The following PBX3 variants were observed in gnomAD, a reference collection of about 807,000 sequenced individuals.
PBX3 encodes the protein pre-B-cell leukemia transcription factor 3.
In PBX3, 14 loss-of-function variants were observed where a neutral mutation model predicts 48.5. That is an observed-to-expected ratio of 0.29 (90% CI 0.19 to 0.45). PBX3 has a LOEUF of 0.45. Among genes scored for constraint, PBX3 ranks in the 20% least tolerant of loss-of-function variants. PBX3 has a pLI of 1.00. For synonymous variants in PBX3, 210 were observed against 200.3 expected (o/e 1.05, Z -0.41); for missense variants, 386 against 546.7 (o/e 0.71, Z 2.93).
intron 2 of PBX3, among the ~76,000 whole-genome samples, chr9:125,852,773 T>C (rs1280141757): frequency 6.6e-6 from 1 of 152,166 alleles, no homozygotes; most frequent in African/African-American, 2.4e-5. Flanking sequence ...ATATTACCTT[T>C]CCAGTTATTT....
chr9:125,921,308 T>C (rs1841451833), intron 3 of PBX3, among the ~76,000 whole-genome samples: 2 of 152,236 alleles, frequency 1.3e-5, no homozygotes, highest in Non-Finnish European at 2.9e-5. Context: ...TTTGTTTTAT[T>C]TAATACATTT....
chr9:125,817,047 A>G lies in PBX3; in HGVS notation c.274+68424A>G, dbSNP rs543317298. Among the ~76,000 whole-genome samples the G allele has an allele frequency of 2.0e-5, 3 of 152,300 alleles. No individual in the cohort carries two copies. In the East Asian group the frequency reaches 5.8e-4, roughly 29 times the overall value. ...AAAAGGTGAAACAATTTTTTTAATC[A>G]ACATTTTTTGCTTCTTAGTCTTTCC... is the stretch of plus-strand genomic sequence containing the variant. On this transcript the variant is annotated intron_variant, in intron 2 of 8. Coordinates refer to ENST00000373489, the MANE Select transcript of PBX3 (RefSeq NM_006195.6).
chr9:125,802,156 C>T (rs1837970254), intron 2 of PBX3, among the ~76,000 whole-genome samples: 1 of 151,950 alleles, frequency 6.6e-6, no homozygotes, highest in Non-Finnish European at 1.5e-5. Context: ...GGTACACGTG[C>T]AGGTTTGTGA....
intron 5 of PBX3, chr9:125,949,478 G>A: frequency 6.5e-7 from 1 of 1,550,244 alleles, no homozygotes; most frequent in Non-Finnish European, 8.7e-7. Flanking sequence ...ATGAGCCAGG[G>A]AGGGGCATGA....
intron 2 of PBX3, among the ~76,000 whole-genome samples, chr9:125,848,538 T>C (rs1839491651): frequency 6.6e-6 from 1 of 152,048 alleles, no homozygotes; most frequent in Non-Finnish European, 1.5e-5. Context: ...TATTGCATTA[T>C]TGCTATAAAG....
intron 4 of PBX3, among the ~76,000 whole-genome samples, chr9:125,930,783 A>G (rs914883225): frequency 1.3e-5 from 2 of 152,100 alleles, no homozygotes; most frequent in African/African-American, 4.8e-5. Flanking sequence ...CTCCAGTCCT[A>G]CTGCCCTCCA....
At position 125,929,696 on chromosome 9, in the gene PBX3, A is replaced by C; in HGVS notation, c.558A>C (p.Arg186=). The C allele has an allele frequency of 6.2e-7, 1 of 1,613,326 alleles. No homozygotes were observed. Among genetic ancestry groups the C allele is most frequent in the African/African-American group, 1.3e-5 (1 of 74,992 alleles). Residue 186 remains arginine (R), a synonymous_variant, in exon 4 of 9, where the codon CGA becomes CGC. Coordinates refer to ENST00000373489, the MANE Select transcript of PBX3 (RefSeq NM_006195.6). ...EFTTHVMNLL[R]EQSRTRPISP... ...CTACACATGTGATGAACCTTCTCCG[A>C]GAACAGAGTAGAACACGTCCCATTT...
At chr9:125,878,744 T>G (rs1020716640) in intron 2 of PBX3, among the ~76,000 whole-genome samples, 6 of 152,258 alleles carry the variant, frequency 3.9e-5, no homozygotes, top group Admixed American at 6.5e-5. Context: ...GGACATCTGT[T>G]AATTTGTAGG....
intron 2 of PBX3, among the ~76,000 whole-genome samples, chr9:125,907,095 A>C (rs1168420796): frequency 6.6e-6 from 1 of 152,060 alleles, no homozygotes; most frequent in Non-Finnish European, 1.5e-5. Context: ...AGCACACATC[A>C]AAATGGCATT....
chr9:125,754,218 T>C (rs1438562199), intron 2 of PBX3, among the ~76,000 whole-genome samples: 2 of 152,122 alleles, frequency 1.3e-5, no homozygotes, highest in African/African-American at 4.8e-5. Context: ...AATAATGTTT[T>C]GTTTTCTCAG....
intron 8 of PBX3, among the ~76,000 whole-genome samples, chr9:125,963,888 A>G (rs147110728): frequency 0.011 from 1,675 of 150,990 alleles, 43 homozygotes; most frequent in African/African-American, 0.038. Flanking sequence ...AGGATGTTCA[A>G]TTGTAAAGGG....
intron 5 of PBX3, among the ~76,000 whole-genome samples, chr9:125,951,426 G>T (rs1842193873): frequency 6.6e-6 from 1 of 152,134 alleles, no homozygotes; most frequent in East Asian, 1.9e-4. Flanking sequence ...TCTTGCCAGT[G>T]TCTCACCAGC....
chr9:125,832,189 T>C (rs1838980067), intron 2 of PBX3, among the ~76,000 whole-genome samples: 1 of 139,418 alleles, frequency 7.2e-6, no homozygotes, highest in East Asian at 2.2e-4. Flanking sequence ...TATATACTGG[T>C]TTTCTTTTCT....
intron 2 of PBX3, among the ~76,000 whole-genome samples, chr9:125,808,419 T>TGGGCTG (rs1304631627): frequency 6.6e-6 from 1 of 152,204 alleles, no homozygotes; most frequent in Non-Finnish European, 1.5e-5. Flanking sequence ...CCCACCCCTG[T>TGGGCTG]AATCCCAACA....
At chr9:125,755,124 G>C (rs545359112) in intron 2 of PBX3, among the ~76,000 whole-genome samples, 3 of 152,142 alleles carry the variant, frequency 2.0e-5, no homozygotes, top group African/African-American at 7.2e-5. Flanking sequence ...TGATACATCA[G>C]TTTTCAAAGC....
At chr9:125,904,521 C>T (rs988926495) in intron 2 of PBX3, among the ~76,000 whole-genome samples, 1 of 151,866 alleles carries the variant, frequency 6.6e-6, no homozygotes, top group Non-Finnish European at 1.5e-5. Context: ...CCTTTAAGAG[C>T]GAGCCATTAT....
chr9:125,895,746 A>T (rs1293175065), intron 2 of PBX3, among the ~76,000 whole-genome samples: 1 of 152,108 alleles, frequency 6.6e-6, no homozygotes, highest in African/African-American at 2.4e-5. Flanking sequence ...TTCATCATAC[A>T]GCAGTAAGAA....
chr9:125,748,705 C>T, intron 2 of PBX3, 82 bp downstream of exon 2: 1 of 1,035,406 alleles, frequency 9.7e-7, no homozygotes, highest in South Asian at 1.3e-5. Context: ...CAGTTGAGAG[C>T]TGCTGCTTTT....
intron 8 of PBX3, among the ~76,000 whole-genome samples, chr9:125,963,497 A>C (rs1736494108): frequency 6.6e-6 from 1 of 152,268 alleles, no homozygotes; most frequent in Non-Finnish European, 1.5e-5. Context: ...CAGCAAACCA[A>C]GCTAAACAAA....
Sources: allele counts gnomAD v4.1 joint callset (sites outside exome capture counted in the v4.1 genomes callset), GRCh38; gene constraint gnomAD v4.1.1; transcripts MANE v1.5; gene names NCBI Gene and HGNC (gene_info 2026-07-23, HGNC 2026-07-21).